The following TMC2 variants were observed in gnomAD, a reference collection of about 807,000 sequenced individuals.
TMC2 encodes the protein transmembrane channel-like protein 2.
TMC2 carries 102 observed loss-of-function variants against 105.9 expected under a neutral mutation model. The ratio of observed to expected loss-of-function variants is 0.96; its 90% CI spans 0.82 to 1.14. The LOEUF (loss-of-function observed/expected upper bound fraction) is 1.14, where lower values mean the gene tolerates loss of function less well. Among genes scored for constraint, TMC2 ranks in the 50% most tolerant of loss-of-function variants. The probability of loss-of-function intolerance (pLI) is 0.00; values close to 1 mark genes in which losing one functional copy is unlikely to be tolerated. For missense variants in TMC2, 1,093 were observed against 1,134.3 expected (o/e 0.96, Z 0.52); for synonymous variants, 402 against 422.8 (o/e 0.95, Z 0.60).
chr20:2,566,527 GT>G (rs2086065610), intron 4 of TMC2, among the ~76,000 whole-genome samples: 1 of 152,182 alleles, frequency 6.6e-6, no homozygotes, highest in Non-Finnish European at 1.5e-5. Context: ...TCTCAGCTTT[GT>G]CCAAAGCCTG....
At chr20:2,561,298 A>G (rs1006131694) in intron 3 of TMC2, among the ~76,000 whole-genome samples, 2 of 152,238 alleles carry the variant, frequency 1.3e-5, no homozygotes, top group Non-Finnish European at 2.9e-5. Flanking sequence ...CAATTTGGGC[A>G]AATCTACTTT....
intron 2 of TMC2, among the ~76,000 whole-genome samples, chr20:2,541,072 A>G (rs2085886779): frequency 6.6e-6 from 1 of 152,018 alleles, no homozygotes; most frequent in Non-Finnish European, 1.5e-5. Context: ...ACTTGCTACC[A>G]CAATCACCCC....
chr20:2,615,741 G>C (rs1383125891), intron 14 of TMC2, among the ~76,000 whole-genome samples: 1 of 152,108 alleles, frequency 6.6e-6, no homozygotes, highest in Non-Finnish European at 1.5e-5. Flanking sequence ...TTAATTATTT[G>C]CATTTCATTA....
At chr20:2,563,173 C>T (rs1332950090) in intron 4 of TMC2, among the ~76,000 whole-genome samples, 1 of 152,100 alleles carries the variant, frequency 6.6e-6, no homozygotes, top group East Asian at 1.9e-4. Flanking sequence ...AACTCCTCAC[C>T]CTTTATTAAG....
At chr20:2,536,802 G>A (rs6036862) in intron 1 of TMC2, 147 bp downstream of exon 1, 313,599 of 798,390 alleles carry the variant, frequency 0.39, 64,998 homozygotes, top group Admixed American at 0.47. Context: ...GAGCGACCTC[G>A]GCTGGTTATT....
chr20:2,641,592 T>C lies in TMC2; in HGVS notation c.*241T>C. 1 of 506,336 alleles carries C rather than the reference T, an allele frequency of 2.0e-6. No homozygotes were observed. 31.4% of individuals were successfully genotyped at this position (506,336 alleles called of 1,614,324 possible). On this transcript the variant is annotated 3_prime_UTR_variant, in exon 20 of 20. Coordinates refer to ENST00000358864, the MANE Select transcript of TMC2 (RefSeq NM_080751.3). ...TCTGCACTAACTGCCCTCCCAAATA[T>C]CTTGGTTCAGACAGCTCTGAACCCC...
At chr20:2,624,975 C>T (rs1321761693) in intron 17 of TMC2, among the ~76,000 whole-genome samples, 2 of 152,084 alleles carry the variant, frequency 1.3e-5, no homozygotes, top group Non-Finnish European at 2.9e-5. Context: ...CTGGAACAAG[C>T]TGGTTCCTTC....
Position 2,617,168 on chromosome 20 carries a change from C to T in TMC2, c.2037C>T (p.Asn679=), listed in dbSNP as rs759453479. ...AGTGCTGGGCGGTGATGAGCAGCAACGTACCCCATGAACGCGTGTTCAAAG... is the reference window on the plus strand; with the variant it reads ...AGTGCTGGGCGGTGATGAGCAGCAATGTACCCCATGAACGCGTGTTCAAAG... ...YFQCWAVMSS[N]VPHERVFKAS... is the part of the protein sequence containing the mutation. Residue 679 remains asparagine (N), a synonymous_variant, in exon 16 of 20, where the codon AAC becomes AAT. Coordinates refer to ENST00000358864, the MANE Select transcript of TMC2 (RefSeq NM_080751.3). The T allele has an allele frequency of 1.4e-5, 22 of 1,614,134 alleles. No homozygotes were observed. The highest frequency in any genetic ancestry group is 3.3e-5 in the Admixed American group (2 of 60,014).
rs142690066 is a variant in TMC2 at position 2,580,763 on chromosome 20, T to C, written c.834+707T>C. Among the ~76,000 whole-genome samples, 79 of 152,276 alleles carry C rather than the reference T, an allele frequency of 5.2e-4. No individual in the cohort carries two copies. In the East Asian group the frequency reaches 0.014, roughly 26 times the overall value. ...ATACCTGGCCCCAGATATAATCTTA[T>C]TATGGACATAAATAGATTCTTATCT... On this transcript the variant is annotated intron_variant, in intron 7 of 19. Coordinates refer to ENST00000358864, the MANE Select transcript of TMC2 (RefSeq NM_080751.3).
chr20:2,621,766 G>T (rs1393848222), intron 16 of TMC2, among the ~76,000 whole-genome samples: 4 of 152,072 alleles, frequency 2.6e-5, no homozygotes, highest in Non-Finnish European at 4.4e-5. Context: ...TCTCCTTTTT[G>T]GTATTGGAAA....
At chr20:2,545,677 AGAAGAAGAAAGAAGAAG>A (rs141733072) in intron 2 of TMC2, among the ~76,000 whole-genome samples, 49,447 of 146,844 alleles carry the variant, frequency 0.34, 9,119 homozygotes, top group Admixed American at 0.43. Flanking sequence ...CAAAAGAAGA[AGAAGAAGAAAGAAGAAG>A]GAAGAAGAAA....
intron 16 of TMC2, 54 bp downstream of exon 16, chr20:2,617,365 G>T: frequency 6.2e-7 from 1 of 1,604,984 alleles, no homozygotes; most frequent in Non-Finnish European, 8.5e-7. Context: ...AGTCTGCTCA[G>T]AGGGCCTCGG....
At chr20:2,595,254 C>A (rs2086297447) in intron 9 of TMC2, among the ~76,000 whole-genome samples, 2 of 152,138 alleles carry the variant, frequency 1.3e-5, no homozygotes, top group Non-Finnish European at 1.5e-5. Flanking sequence ...GTGCAAAGGC[C>A]CTGAGGCCGC....
At chr20:2,605,724 G>C (rs2086386264) in intron 11 of TMC2, among the ~76,000 whole-genome samples, 1 of 152,174 alleles carries the variant, frequency 6.6e-6, no homozygotes. Context: ...ATTAGGAGGA[G>C]GGGAAAATCT....
At chr20:2,567,442 C>T (rs1309899724) in intron 4 of TMC2, among the ~76,000 whole-genome samples, 1 of 152,188 alleles carries the variant, frequency 6.6e-6, no homozygotes, top group South Asian at 2.1e-4. Context: ...AATTAAAAAT[C>T]GCTTGCCATA....
At position 2,604,017 on chromosome 20, in the gene TMC2, A is replaced by G. The variant is rs560116315; in HGVS notation, c.1413+1716A>G. On this transcript the variant is annotated intron_variant, in intron 11 of 19. Coordinates refer to ENST00000358864, the MANE Select transcript of TMC2 (RefSeq NM_080751.3). ...TGTTCAACACACAGGCAGTAATAAG[A>G]GGGAGGTAACAAACCACAACGATGG... 3.3e-5 allele frequency among the ~76,000 whole-genome samples: 5 copies of G among 152,304 alleles called. No homozygotes were observed. In the East Asian group the frequency reaches 7.7e-4, roughly 23 times the overall value.
Position 2,536,608 on chromosome 20 carries a change from C to T in TMC2, c.-14C>T, listed in dbSNP as rs917115886. ...TGCGTGAGCCTGTGCAGGACCCCAG[C>T]AGTGCTGCTGACCATGAGCCACCAG... On this transcript the variant is annotated 5_prime_UTR_variant, in exon 1 of 20. Coordinates refer to ENST00000358864, the MANE Select transcript of TMC2 (RefSeq NM_080751.3). 6.4e-7 allele frequency: 1 copy of T among 1,568,358 alleles called. No homozygotes were observed. Among genetic ancestry groups the T allele is most frequent in the African/African-American group, 1.3e-5 (1 of 74,332 alleles).
At chr20:2,614,566 G>T (rs2086466486) in intron 14 of TMC2, among the ~76,000 whole-genome samples, 4 of 152,128 alleles carry the variant, frequency 2.6e-5, no homozygotes, top group Admixed American at 2.6e-4. Context: ...AGGCGACATA[G>T]TGAGGCCCTG....
At chr20:2,576,813 A>G (rs761687281) in intron 5 of TMC2, among the ~76,000 whole-genome samples, 2 of 151,922 alleles carry the variant, frequency 1.3e-5, no homozygotes, top group African/African-American at 2.4e-5. Flanking sequence ...AAACCAAAGT[A>G]CTCAAGGCAA....
Sources: allele counts gnomAD v4.1 joint callset (sites outside exome capture counted in the v4.1 genomes callset), GRCh38; gene constraint gnomAD v4.1.1; transcripts MANE v1.5; gene names NCBI Gene and HGNC (gene_info 2026-07-23, HGNC 2026-07-21).